Variants in UFD1 observed in about 807,000 individuals in gnomAD.
UFD1 encodes the protein ubiquitin recognition factor in ER associated degradation 1, also known as ubiquitin recognition factor in ER-associated degradation protein 1.
UFD1 carries 13 observed loss-of-function variants against 45.9 expected under a neutral mutation model. The ratio of observed to expected loss-of-function variants is 0.28; its 90% CI spans 0.18 to 0.45. UFD1 has a LOEUF of 0.45. Ranked by LOEUF, UFD1 falls within the 20% of genes least tolerant of loss-of-function variation. The pLI is 1.00. For missense variants in UFD1, 218 were observed against 389.2 expected (o/e 0.56, Z 3.70); for synonymous variants, 128 against 139.2 (o/e 0.92, Z 0.56).
At chr22:19,451,737 T>C (rs1198152845) in intron 11 of UFD1, 1 of 985,348 alleles carries the variant, frequency 1.0e-6, no homozygotes, top group Non-Finnish European at 1.2e-6. Flanking sequence ...GCATTTAGTC[T>C]TCCTTTGCCG....
intron 11 of UFD1, chr22:19,453,405 A>T (rs892788227): frequency 1.8e-5 from 18 of 985,310 alleles, no homozygotes; most frequent in Non-Finnish European, 2.2e-5. Flanking sequence ...ATCTTTAAAC[A>T]TATACTTCTT....
chr22:19,454,378 A>T, intron 11 of UFD1: 1 of 965,270 alleles, frequency 1.0e-6, no homozygotes, highest in Non-Finnish European at 1.2e-6. Flanking sequence ...GAGGTAACTG[A>T]GTCGGTGGGA....
At chr22:19,458,225 T>C (rs1457047123) in intron 6 of UFD1, 86 bp from the exon 7 acceptor site, 11 of 1,423,854 alleles carry the variant, frequency 7.7e-6, no homozygotes, top group East Asian at 6.9e-5. Context: ...CTCTACTGGC[T>C]CCTGCGAATG....
At chr22:19,465,412 G>C (rs754831811) in intron 5 of UFD1, 138 bp from the exon 6 acceptor site, 5 of 662,418 alleles carry the variant, frequency 7.5e-6, no homozygotes, top group Non-Finnish European at 1.3e-5. Context: ...ATACAATAAA[G>C]TACTACTTGG....
chr22:19,457,972 G>A, intron 7 of UFD1, 99 bp downstream of exon 7: 1 of 1,212,166 alleles, frequency 8.2e-7, no homozygotes. Context: ...AGAGTCCCAG[G>A]GGCTGTTTGA....
intron 11 of UFD1, chr22:19,451,913 G>C: frequency 2.0e-6 from 2 of 985,460 alleles, no homozygotes; most frequent in Non-Finnish European, 2.4e-6. Context: ...GTACATGTTA[G>C]TGGGGGCTCC....
intron 5 of UFD1, chr22:19,465,493 A>G: frequency 2.0e-6 from 1 of 505,134 alleles, no homozygotes; most frequent in South Asian, 2.3e-5. Flanking sequence ...AACAAATGCC[A>G]AGCTGGGGGA....
intron 3 of UFD1, 107 bp from the exon 4 acceptor site, chr22:19,471,915 A>G: frequency 6.8e-7 from 1 of 1,460,266 alleles, no homozygotes. Flanking sequence ...CCTCAACCCC[A>G]CACTCCTCTG....
intron 11 of UFD1, 157 bp from the exon 12 acceptor site, chr22:19,450,901 C>T: frequency 6.9e-7 from 1 of 1,447,092 alleles, no homozygotes. Context: ...TTTAGGAGGC[C>T]TAGGTGGGAG....
chr22:19,478,846 G>A, intron 1 of UFD1: 1 of 545,072 alleles, frequency 1.8e-6, no homozygotes, highest in South Asian at 2.5e-5. Flanking sequence ...TCGTCAAGGA[G>A]GGCAAGTCCG....
rs756614874 is a variant in UFD1 at position 19,456,813 on chromosome 22, A to C, written c.630+40T>G. 6 of 1,614,044 alleles carry C rather than the reference A, an allele frequency of 3.7e-6. No homozygotes were observed. The African/African-American group carries it at 8.0e-5, about 22-fold the overall frequency. On this transcript the variant is annotated intron_variant, in intron 8 of 11. Transcript: ENST00000263202. ...CCACTGCCAGGAACTCAAAAGCAGC[A>C]TGCAGCAGGACAGCAAAGGACACTG...
At chr22:19,456,680 C>G (rs974005915) in intron 8 of UFD1, 46 bp from the exon 9 acceptor site, 1 of 1,614,098 alleles carries the variant, frequency 6.2e-7, no homozygotes, top group Non-Finnish European at 8.5e-7. Context: ...GCGGGGACAC[C>G]CAGCTTCCCT....
At chr22:19,459,417 A>G (rs564052170) in intron 6 of UFD1, among the ~76,000 whole-genome samples, 1 of 152,294 alleles carries the variant, frequency 6.6e-6, no homozygotes, top group African/African-American at 2.4e-5. Context: ...AAATGAGACC[A>G]TCCTTGCTAA....
intron 6 of UFD1, among the ~76,000 whole-genome samples, chr22:19,464,498 A>C (rs1425726681): frequency 1.3e-5 from 2 of 152,278 alleles, no homozygotes; most frequent in Non-Finnish European, 2.9e-5. Flanking sequence ...AGGTAATAGG[A>C]AAGTGAATGC....
At position 19,468,013 on chromosome 22, in the gene UFD1, A is replaced by G. The variant is rs545648717; in HGVS notation, c.292-10T>C. The G allele has an allele frequency of 2.7e-5, 44 of 1,613,918 alleles. 1 individual carries two copies. The South Asian group carries it at 4.5e-4, about 17-fold the overall frequency. On this transcript the variant is annotated splice_polypyrimidine_tract_variant and intron_variant, in intron 4 of 11. Coordinates refer to ENST00000263202, the MANE Select transcript of UFD1 (RefSeq NM_005659.7). Reference sequence around the variant, plus strand: ...GTAAGTTCTGCATCATCTGAAAGGAAGAAGAGGCTACATGAGACTCCTAGA... The same window carrying G: ...GTAAGTTCTGCATCATCTGAAAGGAGGAAGAGGCTACATGAGACTCCTAGA...
intron 4 of UFD1, 94 bp from the exon 5 acceptor site, chr22:19,468,097 G>A: frequency 6.6e-7 from 1 of 1,514,556 alleles, no homozygotes; most frequent in South Asian, 1.3e-5. Context: ...GTCTTACTTG[G>A]GTCCTTGGAA....
chr22:19,452,070 G>A (rs530024305), intron 11 of UFD1: 21 of 483,622 alleles, frequency 4.3e-5, no homozygotes, highest in Non-Finnish European at 5.6e-5. Context: ...TCATTGATAG[G>A]CTGGTTGGTA....
chr22:19,477,511 C>T (rs1048725856), intron 1 of UFD1, among the ~76,000 whole-genome samples: 2 of 152,042 alleles, frequency 1.3e-5, no homozygotes, highest in African/African-American at 4.8e-5. Context: ...CAAAGTGGAA[C>T]AGAGATTGAC....
At chr22:19,466,664 TA>T (rs1216240277) in intron 5 of UFD1, 2 of 152,208 alleles carry the variant, frequency 1.3e-5, no homozygotes, top group Admixed American at 6.5e-5. Context: ...ACTCCGTCTC[TA>T]CTAAAAATAC....
Sources: allele counts gnomAD v4.1 joint callset (sites outside exome capture counted in the v4.1 genomes callset), GRCh38; gene constraint gnomAD v4.1.1; transcripts MANE v1.5; gene names NCBI Gene and HGNC (gene_info 2026-07-23, HGNC 2026-07-21).